Variants in ACAP3 observed in about 807,000 individuals in gnomAD.
The protein encoded by ACAP3 is arf-GAP with coiled-coil, ANK repeat and PH domain-containing protein 3.
Under a neutral mutation model 104.1 loss-of-function variants are expected in ACAP3, and 56 were observed. The observed-to-expected ratio is 0.54, with a 90% confidence interval of 0.43 to 0.67. The LOEUF (loss-of-function observed/expected upper bound fraction) is 0.67. Ranked by LOEUF, ACAP3 falls within the 30% of genes least tolerant of loss-of-function variation. The pLI is 0.00. For missense variants in ACAP3, 1,208 were observed against 1,174.9 expected (o/e 1.03, Z -0.41); for synonymous variants, 628 against 496.2 (o/e 1.27, Z -3.53).
intron 5 of ACAP3, among the ~76,000 whole-genome samples, 173 bp from the exon 6 acceptor site, chr1:1,300,865 G>A (rs549832082): frequency 4.1e-4 from 62 of 152,248 alleles, no homozygotes; most frequent in African/African-American, 1.4e-3. Context: ...TCTGCCTCGC[G>A]AGTTCAAGTG....
chr1:1,306,714 GCACA>G (rs1641718111), intron 1 of ACAP3, among the ~76,000 whole-genome samples: 1 of 152,228 alleles, frequency 6.6e-6, no homozygotes, highest in Admixed American at 6.5e-5. Flanking sequence ...ACATGTTCAT[GCACA>G]AACATGCCTG....
intron 20 of ACAP3, 44 bp from the exon 21 acceptor site, chr1:1,294,672 C>G (rs954305192): frequency 1.4e-5 from 21 of 1,543,678 alleles, no homozygotes; most frequent in Non-Finnish European, 1.7e-5. Context: ...CCGGGGCTGC[C>G]CAGGGGCTGG....
chr1:1,303,728 C>T lies in ACAP3; in HGVS notation c.105+358G>A, dbSNP rs1338789659. ...TGGACACGGCTCCCCCCTCCACGGC[C>T]TGTTGCCCCCTCCCCTTTCTCAGCC... On this transcript the variant is annotated intron_variant, in intron 2 of 23. Coordinates refer to ENST00000354700, the MANE Select transcript of ACAP3 (RefSeq NM_030649.3). This position sits in a 1 kb window ranked among gnomAD's most constrained non-coding sequence, Gnocchi z 4.0. The T allele has an allele frequency of 1.4e-5, 6 of 439,352 alleles. No individual in the cohort carries two copies. Among genetic ancestry groups the T allele is most frequent in the Non-Finnish European group, 2.5e-5 (6 of 240,872 alleles). 27.2% of individuals were successfully genotyped at this position (439,352 alleles called of 1,614,324 possible).
At position 1,293,897 on chromosome 1, in the gene ACAP3, C is replaced by T. The variant is rs1198867363; in HGVS notation, c.2286G>A (p.Gln762=). 1.9e-6 allele frequency: 3 copies of T among 1,581,496 alleles called. No homozygotes were observed. The highest frequency in any genetic ancestry group is 1.7e-5 in the Admixed American group (1 of 58,190). Residue 762 remains glutamine (Q), a synonymous_variant, in exon 23 of 24, where the codon CAG becomes CAA. Coordinates refer to ENST00000354700, the MANE Select transcript of ACAP3 (RefSeq NM_030649.3). Reference sequence around the variant, plus strand: ...CCCGCTGCTCTTGGTCCAGGGCGTGCTGGTCCGCGCCCCGCTTCAGGAACA... The same window carrying T: ...CCCGCTGCTCTTGGTCCAGGGCGTGTTGGTCCGCGCCCCGCTTCAGGAACA... ...VCLFLKRGAD[Q]HALDQEQRDP...
chr1:1,303,495 C>T lies in ACAP3; in HGVS notation c.106-214G>A, dbSNP rs765166316. ...AGGGGAGGGTGGGGCCGCCACGGCT[C>T]GGCTGGGAGGGACCAGGAGCCAGGC... On this transcript the variant is annotated intron_variant, in intron 2 of 23. Coordinates refer to ENST00000354700, the MANE Select transcript of ACAP3 (RefSeq NM_030649.3). This position sits in a 1 kb window ranked among gnomAD's most constrained non-coding sequence, Gnocchi z 4.0. The T allele has an allele frequency of 7.8e-5, 53 of 677,682 alleles. No homozygotes were observed. The highest frequency in any genetic ancestry group is 6.4e-4 in the African/African-American group (35 of 54,874). 42.0% of individuals were successfully genotyped at this position (677,682 alleles called of 1,614,324 possible).
chr1:1,294,511 C>A lies in ACAP3; in HGVS notation c.2030G>T (p.Arg677Leu), dbSNP rs1236289066. 13 of 1,505,792 alleles carry A rather than the reference C, an allele frequency of 8.6e-6. No homozygotes were observed. The highest frequency in any genetic ancestry group is 1.1e-5 in the Non-Finnish European group (12 of 1,137,242). 93.3% of individuals were successfully genotyped at this position (1,505,792 alleles called of 1,614,324 possible). A position where few individuals can be genotyped will look rare whatever the true frequency, so the allele number is the denominator to read the frequency against. ...HPGLLAHRAA[R>L]ARDLPALAAA... is the part of the protein sequence containing the mutation. ...CGCCAGCGCAGGAAGGTCGCGGGCA[C>A]GCGCTGCGCGGTGCGCCAAGAGCCC... Residue 677 changes from arginine (R) to leucine (L), a missense_variant, in exon 21 of 24, where the codon CGT (arginine) becomes CTT (leucine). Coordinates refer to ENST00000354700, the MANE Select transcript of ACAP3 (RefSeq NM_030649.3).
rs900451253 is a variant in ACAP3 at position 1,292,800 on chromosome 1, C to A, written c.*764G>T. 1 of 152,322 alleles carries A rather than the reference C, an allele frequency of 6.6e-6. No individual in the cohort carries two copies. Among genetic ancestry groups the A allele is most frequent in the Non-Finnish European group, 1.5e-5 (1 of 68,096 alleles). The allele number at this position is 152,322 out of a possible 1,614,324, so 9.4% of individuals were successfully genotyped here. A position where few individuals can be genotyped will look rare whatever the true frequency, so the allele number is the denominator to read the frequency against. ...TCCTCAAGAGTCCACAGAGAAAAGA[C>A]GCAAGACAAAGTCAGACGAGGCCTA... On this transcript the variant is annotated 3_prime_UTR_variant, in exon 24 of 24. Transcript: ENST00000354700.
chr1:1,307,821 C>A lies in ACAP3; in HGVS notation c.-6G>T. ...TCCTCGAACTCCACGGTCATGGCTG[C>A]GGCGGCCGCGGCGCTCACTGGCACG... On this transcript the variant is annotated 5_prime_UTR_variant, in exon 1 of 24. Transcript: ENST00000354700. 9.5e-7 allele frequency: 1 copy of A among 1,052,656 alleles called. No homozygotes were observed. Among genetic ancestry groups the A allele is most frequent in the Non-Finnish European group, 1.1e-6 (1 of 874,474 alleles). The allele number at this position is 1,052,656 out of a possible 1,614,324, so 65.2% of individuals were successfully genotyped here.
At chr1:1,300,328 G>A (rs1203030355) in intron 6 of ACAP3, 126 bp from the exon 7 acceptor site, 66 of 1,310,178 alleles carry the variant, frequency 5.0e-5, no homozygotes, top group Non-Finnish European at 6.3e-5. Context: ...TCAGCTCCCA[G>A]CTCTGGGCCA....
intron 1 of ACAP3, chr1:1,307,491 G>C: frequency 8.0e-7 from 1 of 1,252,286 alleles, no homozygotes; most frequent in Admixed American, 2.5e-5. Flanking sequence ...CCCAGTGGAG[G>C]TGCAGACACA....
intron 21 of ACAP3, 89 bp downstream of exon 21, chr1:1,294,313 C>A: frequency 6.6e-7 from 1 of 1,514,298 alleles, no homozygotes; most frequent in Non-Finnish European, 8.9e-7. Flanking sequence ...GTCCCCACCG[C>A]GGACAGGCGA....
At chr1:1,294,964 G>A in intron 19 of ACAP3, 148 bp from the exon 20 acceptor site, 1 of 711,956 alleles carries the variant, frequency 1.4e-6, no homozygotes, top group Non-Finnish European at 2.3e-6. Context: ...GGAGCCAGCT[G>A]CAGGCTAGGA....
intron 1 of ACAP3, chr1:1,307,182 G>A (rs992568964): frequency 7.8e-7 from 1 of 1,287,698 alleles, no homozygotes. Context: ...TCACGCAGGT[G>A]TACACGCCTG....
In ACAP3 at chr1:1,295,450, G is replaced by C; in HGVS notation, c.1810C>G (p.Arg604Gly). 6.2e-7 allele frequency: 1 copy of C among 1,612,332 alleles called. No individual in the cohort carries two copies. Among genetic ancestry groups the C allele is most frequent in the Non-Finnish European group, 8.5e-7 (1 of 1,179,778 alleles). ...FDAGAAGAGP[R>G]SLSSDSGLGG... ...GCTGGGCCCACCCCACACTTACTGC[G>C]AGGGCCAGCCCCTGCGGCCCCTGCG... The change falls in exon 19 of 24, where the codon CGC becomes GGC. Residue 604 changes from arginine to glycine, a missense_variant. By Grantham distance (125) the Arg-to-Gly change is moderately radical. Coordinates refer to ENST00000354700, the MANE Select transcript of ACAP3 (RefSeq NM_030649.3).
Position 1,298,064 on chromosome 1 carries a change from G to A in ACAP3, c.965C>T (p.Pro322Leu), listed in dbSNP as rs1291877902. 10 of 1,611,266 alleles carry A rather than the reference G, an allele frequency of 6.2e-6. No homozygotes were observed. The highest frequency in any genetic ancestry group is 3.3e-5 in the South Asian group (3 of 90,814). The change falls in exon 13 of 24, where the codon CCG (proline) becomes CTG (leucine). Residue 322 changes from proline to leucine, a missense_variant. Coordinates refer to ENST00000354700, the MANE Select transcript of ACAP3 (RefSeq NM_030649.3). ...GAACCTCCGCTCGATGTCCTCACAC[G>A]GCTTCACAGAGCACAGGCGGAGGTC... ...VDDLRLCSVK[P>L]CEDIERRFCF...
At position 1,299,831 on chromosome 1, in the gene ACAP3, C is replaced by G. The variant is rs1641366540; in HGVS notation, c.738G>C (p.Arg246=). The part of the protein sequence containing the change: ...MERKHAAIQQ[R]TLLQDFSYDE... Reference sequence around the variant, plus strand: ...CAGGGAGCCGGCTGCGCGGCCTCACCCGCTGCTGGATGGCGGCGTGCTTTC... The same window carrying G: ...CAGGGAGCCGGCTGCGCGGCCTCACGCGCTGCTGGATGGCGGCGTGCTTTC... Residue 246 remains arginine (R), a splice_region_variant and synonymous_variant, in exon 9 of 24, where the codon CGG becomes CGC. Coordinates refer to ENST00000354700, the MANE Select transcript of ACAP3 (RefSeq NM_030649.3). The G allele has an allele frequency of 6.5e-7, 1 of 1,546,200 alleles. No homozygotes were observed. Among genetic ancestry groups the G allele is most frequent in the Non-Finnish European group, 8.7e-7 (1 of 1,144,354 alleles).
At position 1,303,680 on chromosome 1, in the gene ACAP3, T is replaced by C. The variant is rs1570660958; in HGVS notation, c.106-399A>G. On this transcript the variant is annotated intron_variant, in intron 2 of 23. Coordinates refer to ENST00000354700, the MANE Select transcript of ACAP3 (RefSeq NM_030649.3). This position sits in a 1 kb window ranked among gnomAD's most constrained non-coding sequence, Gnocchi z 4.0. ...CCTCTCCACGGCCTGTTGCCCCCTCTTTCTCAGCCCATGTGGGGCTCATGG... is the reference window on the plus strand; with the variant it reads ...CCTCTCCACGGCCTGTTGCCCCCTCCTTCTCAGCCCATGTGGGGCTCATGG... The C allele has an allele frequency of 5.4e-6, 1 of 185,390 alleles. No individual in the cohort carries two copies. The highest frequency in any genetic ancestry group is 5.3e-5 in the South Asian group (1 of 18,824). 11.5% of individuals were successfully genotyped at this position (185,390 alleles called of 1,614,324 possible).
At chr1:1,298,337 C>T (rs746919387) in intron 12 of ACAP3, 33 bp downstream of exon 12, 27 of 1,606,064 alleles carry the variant, frequency 1.7e-5, no homozygotes, top group Admixed American at 3.4e-5. Context: ...GGCGTCCAGC[C>T]ATCAGGGCCC....
rs866709468 is a variant in ACAP3, at chr1:1,294,590, C to T, written c.1951G>A (p.Gly651Arg). The T allele has an allele frequency of 1.4e-5, 21 of 1,517,504 alleles. No homozygotes were observed. The highest frequency in any genetic ancestry group is 1.8e-5 in the Non-Finnish European group (21 of 1,138,832). The allele number at this position is 1,517,504 out of a possible 1,614,324, so 94.0% of individuals were successfully genotyped here. A position where few individuals can be genotyped will look rare whatever the true frequency, so the allele number is the denominator to read the frequency against. Residue 651 changes from glycine (G) to arginine (R), a missense_variant, in exon 21 of 24, where the codon GGG (glycine) becomes AGG (arginine). Gly to Arg is a moderately radical substitution (Grantham distance 125). Coordinates refer to ENST00000354700, the MANE Select transcript of ACAP3 (RefSeq NM_030649.3). ...ESEESSGEADGDTEAEAWGLA... is the reference protein window; with the variant it reads ...ESEESSGEADRDTEAEAWGLA... Reference sequence around the variant, plus strand: ...CCCCAGGCCTCGGCCTCAGTGTCCCCGTCTGCCTCACCGCTGGACTCCTCC... The same window carrying T: ...CCCCAGGCCTCGGCCTCAGTGTCCCTGTCTGCCTCACCGCTGGACTCCTCC...
Sources: allele counts gnomAD v4.1 joint callset (sites outside exome capture counted in the v4.1 genomes callset), GRCh38; gene constraint gnomAD v4.1.1; non-coding constraint Gnocchi (gnomAD v3.1); transcripts MANE v1.5; gene names NCBI Gene and HGNC (gene_info 2026-07-23, HGNC 2026-07-21).